The following DSCAM variants were observed in gnomAD, a reference collection of about 807,000 sequenced individuals.
DSCAM encodes the protein cell adhesion molecule DSCAM.
Under a neutral mutation model 217.7 loss-of-function variants are expected in DSCAM, and 47 were observed. That is an observed-to-expected ratio of 0.22 (90% CI 0.17 to 0.28). The LOEUF (loss-of-function observed/expected upper bound fraction) is 0.28. Among genes scored for constraint, DSCAM ranks in the 10% least tolerant of loss-of-function variants. The pLI, the probability that DSCAM is intolerant of heterozygous loss-of-function variation, is 1.00. For synonymous variants in DSCAM, 1,056 were observed against 1,015.3 expected (o/e 1.04, Z -0.76); for missense variants, 2,080 against 2,618.3 (o/e 0.79, Z 4.49).
chr21:40,773,680 C>T (rs1038200249), intron 1 of DSCAM, among the ~76,000 whole-genome samples: 3 of 152,194 alleles, frequency 2.0e-5, no homozygotes, highest in African/African-American at 4.8e-5. Context: ...AAAGCACAGG[C>T]CCCTGATTTT....
chr21:40,171,650 T>A lies in DSCAM; in HGVS notation c.2948-4362A>T, dbSNP rs2090659569. On this transcript the variant is annotated intron_variant, in intron 15 of 32. Coordinates refer to ENST00000400454, the MANE Select transcript of DSCAM (RefSeq NM_001389.5). ...TGTACAAACACACAATAGGGCTATG[T>A]CCAATATCATTAGGAAGGTTTTTTG... Among the ~76,000 whole-genome samples, 3 of 152,128 alleles carry A rather than the reference T, an allele frequency of 2.0e-5. No homozygotes were observed. The South Asian group carries it at 6.2e-4, about 32-fold the overall frequency.
intron 3 of DSCAM, among the ~76,000 whole-genome samples, chr21:40,588,454 A>G (rs1323164548): frequency 1.3e-5 from 2 of 152,218 alleles, no homozygotes; most frequent in Admixed American, 1.3e-4. Context: ...AAGTCTTTAT[A>G]ATAAACATGA....
chr21:40,540,125 T>C (rs1444229568), intron 3 of DSCAM, among the ~76,000 whole-genome samples: 1 of 152,172 alleles, frequency 6.6e-6, no homozygotes, highest in Non-Finnish European at 1.5e-5. Flanking sequence ...AATGACTAAT[T>C]ATCAACTGTC....
At chr21:40,462,635 A>G (rs897565770) in intron 3 of DSCAM, among the ~76,000 whole-genome samples, 1 of 152,234 alleles carries the variant, frequency 6.6e-6, no homozygotes, top group Non-Finnish European at 1.5e-5. Context: ...GCACTGGTTT[A>G]GAGCAATAGT....
rs554377925 is a variant in DSCAM at position 40,167,124 on chromosome 21, A to G, written c.3018+94T>C. On this transcript the variant is annotated intron_variant, in intron 16 of 32. Transcript: ENST00000400454. Reference sequence around the variant, plus strand: ...ATTTTGAAAAAATAAAAGTTTTGTAAAATTCGAGAGTCTTGGTGTCATAAC... The same window carrying G: ...ATTTTGAAAAAATAAAAGTTTTGTAGAATTCGAGAGTCTTGGTGTCATAAC... 21 of 1,130,880 alleles carry G rather than the reference A, an allele frequency of 1.9e-5. No homozygotes were observed. The African/African-American group carries it at 3.3e-4, about 18-fold the overall frequency. The allele number at this position is 1,130,880 out of a possible 1,614,324, so 70.1% of individuals were successfully genotyped here.
At chr21:40,575,778 A>T (rs2076845400) in intron 3 of DSCAM, among the ~76,000 whole-genome samples, 1 of 152,172 alleles carries the variant, frequency 6.6e-6, no homozygotes, top group Non-Finnish European at 1.5e-5. Flanking sequence ...ATATATTAAA[A>T]AAAAAAACTC....
At chr21:40,831,819 G>A (rs939433285) in intron 1 of DSCAM, among the ~76,000 whole-genome samples, 5 of 152,160 alleles carry the variant, frequency 3.3e-5, no homozygotes, top group African/African-American at 1.2e-4. Context: ...TTAAGTAAGC[G>A]AAATGGCTGA....
chr21:40,074,175 G>C (rs1218144367), intron 27 of DSCAM, among the ~76,000 whole-genome samples: 2 of 152,168 alleles, frequency 1.3e-5, no homozygotes, highest in Non-Finnish European at 2.9e-5. Context: ...TTTGAGGAGA[G>C]AGTGCTTCCA....
intron 1 of DSCAM, among the ~76,000 whole-genome samples, chr21:40,777,144 T>C (rs1348275158): frequency 6.6e-6 from 1 of 152,144 alleles, no homozygotes; most frequent in Non-Finnish European, 1.5e-5. Flanking sequence ...TTGCTCATAG[T>C]TGGCGCCTTC....
Position 40,028,571 on chromosome 21 carries a change from G to A in DSCAM, c.5686+13800C>T, listed in dbSNP as rs370090885. Reference sequence around the variant, plus strand: ...TCGTGGTGCGCCATGTTTTAAGCCCGTCAGAAAAGCACAGTATTCGGGTGG... The same window carrying A: ...TCGTGGTGCGCCATGTTTTAAGCCCATCAGAAAAGCACAGTATTCGGGTGG... On this transcript the variant is annotated intron_variant, in intron 32 of 32. Coordinates refer to ENST00000400454, the MANE Select transcript of DSCAM (RefSeq NM_001389.5). 2.3e-3 allele frequency among the ~76,000 whole-genome samples: 356 copies of A among 152,226 alleles called. 4 individuals are homozygous for A. The highest frequency in any genetic ancestry group is 7.5e-3 in the African/African-American group (311 of 41,552).
intron 3 of DSCAM, among the ~76,000 whole-genome samples, chr21:40,614,903 T>C (rs898650661): frequency 6.6e-6 from 1 of 152,150 alleles, no homozygotes; most frequent in Non-Finnish European, 1.5e-5. Flanking sequence ...TGCATCTCTA[T>C]ATACACACAC....
chr21:40,546,647 G>A (rs1427040049), intron 3 of DSCAM, among the ~76,000 whole-genome samples: 2 of 152,140 alleles, frequency 1.3e-5, no homozygotes, highest in South Asian at 2.1e-4. Context: ...TGGTTTGTCA[G>A]TTTTTTTATA....
At chr21:40,442,901 T>C (rs912534738) in intron 3 of DSCAM, among the ~76,000 whole-genome samples, 6 of 152,166 alleles carry the variant, frequency 3.9e-5, no homozygotes, top group African/African-American at 1.4e-4. Context: ...GAACCTTGTC[T>C]CTCTTCCCCG....
intron 1 of DSCAM, among the ~76,000 whole-genome samples, chr21:40,826,299 T>C (rs906778765): frequency 6.6e-6 from 1 of 151,884 alleles, no homozygotes; most frequent in Non-Finnish European, 1.5e-5. Flanking sequence ...GCCAGTGCAG[T>C]GCTGAGGAGA....
chr21:40,623,997 T>C (rs894670488), intron 3 of DSCAM, among the ~76,000 whole-genome samples: 2 of 152,194 alleles, frequency 1.3e-5, no homozygotes, highest in African/African-American at 4.8e-5. Flanking sequence ...AAGGTTGGTT[T>C]GTCTTTCAGT....
chr21:40,820,555 A>T (rs914999338), intron 1 of DSCAM, among the ~76,000 whole-genome samples: 14 of 152,282 alleles, frequency 9.2e-5, no homozygotes, highest in African/African-American at 2.9e-4. Flanking sequence ...GCAGCAAACC[A>T]CCATGGCACA....
At chr21:40,072,409 G>T (rs1235592) in intron 27 of DSCAM, among the ~76,000 whole-genome samples, 5 of 150,070 alleles carry the variant, frequency 3.3e-5, no homozygotes, top group Non-Finnish European at 7.4e-5. Flanking sequence ...TGCAGTGGCG[G>T]GATCTCGGCT....
At chr21:40,775,982 T>A (rs1301372279) in intron 1 of DSCAM, among the ~76,000 whole-genome samples, 1 of 152,274 alleles carries the variant, frequency 6.6e-6, no homozygotes, top group African/African-American at 2.4e-5. Flanking sequence ...TGATGTGAAT[T>A]TATACATTTC....
chr21:40,516,611 G>A (rs945780952), intron 3 of DSCAM, among the ~76,000 whole-genome samples: 4 of 152,110 alleles, frequency 2.6e-5, no homozygotes, highest in Non-Finnish European at 4.4e-5. Flanking sequence ...TGTACCTGCA[G>A]AATGTGAATT....
Sources: allele counts gnomAD v4.1 joint callset (sites outside exome capture counted in the v4.1 genomes callset), GRCh38; gene constraint gnomAD v4.1.1; transcripts MANE v1.5; gene names NCBI Gene and HGNC (gene_info 2026-07-23, HGNC 2026-07-21).